GATA4: variants seen among roughly 807,000 people sequenced by gnomAD.
The protein encoded by GATA4 is GATA binding protein 4, also known as transcription factor GATA-4.
GATA4 carries 7 observed loss-of-function variants against 37.9 expected under a neutral mutation model. The ratio of observed to expected loss-of-function variants is 0.18; its 90% CI spans 0.11 to 0.35. The LOEUF is 0.35. Among genes scored for constraint, GATA4 ranks in the 10% least tolerant of loss-of-function variants. The probability of loss-of-function intolerance (pLI) is 1.00; values close to 1 mark genes in which losing one functional copy is unlikely to be tolerated. For synonymous variants in GATA4, 372 were observed against 292.6 expected, an observed-to-expected ratio of 1.27 and a Z score of -2.77; for missense variants, 647 against 653.0, an observed-to-expected ratio of 0.99 and a Z score of 0.10.
intron 2 of GATA4, among the ~76,000 whole-genome samples, chr8:11,745,354 G>A (rs567216457): frequency 6.8e-6 from 1 of 146,306 alleles, no homozygotes; most frequent in East Asian, 2.0e-4. Flanking sequence ...TGGGAGGATC[G>A]CTTGAGCTTA....
At chr8:11,696,181 A>C (rs1399394598) in intron 1 of GATA4, among the ~76,000 whole-genome samples, 1 of 152,104 alleles carries the variant, frequency 6.6e-6, no homozygotes, top group Non-Finnish European at 1.5e-5. Context: ...CAGTTTTCAG[A>C]GTCTTGACAT....
At chr8:11,677,772 A>G (rs1159488194) in intron 1 of GATA4, among the ~76,000 whole-genome samples, 1 of 152,002 alleles carries the variant, frequency 6.6e-6, no homozygotes, top group East Asian at 1.9e-4. Flanking sequence ...TTAATTTCCG[A>G]TTATTCTGGA....
chr8:11,727,347 T>G (rs1800975412), intron 2 of GATA4, among the ~76,000 whole-genome samples: 1 of 152,030 alleles, frequency 6.6e-6, no homozygotes, highest in Non-Finnish European at 1.5e-5. Context: ...ACCCGCCTGC[T>G]GGGAAGGGGG....
At chr8:11,729,187 C>T (rs1468452456) in intron 2 of GATA4, among the ~76,000 whole-genome samples, 2 of 152,148 alleles carry the variant, frequency 1.3e-5, no homozygotes, top group Non-Finnish European at 2.9e-5. Flanking sequence ...CGTGCCACTG[C>T]ACTCCAGCCT....
rs181649817 is a variant in GATA4 at position 11,712,092 on chromosome 8, A to G, written c.616+3164A>G. On this transcript the variant is annotated intron_variant, in intron 2 of 6. Coordinates refer to ENST00000532059, the MANE Select transcript of GATA4 (RefSeq NM_001308093.3). Reference sequence around the variant, plus strand: ...AAATGGGATCATCATAACAATTTTTAGTGTTGCCTTAAATTAGAAAAGTAA... The same window carrying G: ...AAATGGGATCATCATAACAATTTTTGGTGTTGCCTTAAATTAGAAAAGTAA... 4.0e-4 allele frequency among the ~76,000 whole-genome samples: 61 copies of G among 152,368 alleles called. No homozygotes were observed. The South Asian group carries it at 6.2e-3, about 16-fold the overall frequency.
At chr8:11,746,435 T>C (rs941324789) in intron 2 of GATA4, among the ~76,000 whole-genome samples, 22 of 152,108 alleles carry the variant, frequency 1.4e-4, no homozygotes, top group African/African-American at 5.1e-4. Flanking sequence ...AATGGAAAGG[T>C]GATCTTACAA....
chr8:11,733,939 G>GC (rs1411725893), intron 2 of GATA4, among the ~76,000 whole-genome samples: 1 of 152,110 alleles, frequency 6.6e-6, no homozygotes, highest in Non-Finnish European at 1.5e-5. Context: ...ATTACTTTTT[G>GC]CCCCCTGCCA....
chr8:11,734,212 A>T (rs1005251576), intron 2 of GATA4, among the ~76,000 whole-genome samples: 11 of 152,258 alleles, frequency 7.2e-5, no homozygotes, highest in Admixed American at 7.2e-4. Flanking sequence ...ATGTACAAGG[A>T]TGCCTGATGA....
At chr8:11,718,935 A>G (rs1267118446) in intron 2 of GATA4, among the ~76,000 whole-genome samples, 2 of 152,252 alleles carry the variant, frequency 1.3e-5, no homozygotes, top group African/African-American at 4.8e-5. Context: ...CATTCCGAGC[A>G]GGTGTGGGAG....
chr8:11,693,166 C>A, intron 1 of GATA4: 1 of 841,332 alleles, frequency 1.2e-6, no homozygotes, highest in Non-Finnish European at 1.4e-6. Context: ...TGTAAGGAAG[C>A]TTAGAAATGA....
intron 2 of GATA4, among the ~76,000 whole-genome samples, chr8:11,743,090 T>C (rs1028694375): frequency 1.3e-5 from 2 of 152,218 alleles, no homozygotes; most frequent in Non-Finnish European, 2.9e-5. Flanking sequence ...ACTGTTGACG[T>C]GTCTCTCCCT....
chr8:11,758,563 C>A lies in GATA4; in HGVS notation c.*88C>A. ...AGGCCCTGGGCTCCCAGGGGCCGGCCTCCTCTGCCTGGTAATGACTCCAGA... is the reference window on the plus strand; with the variant it reads ...AGGCCCTGGGCTCCCAGGGGCCGGCATCCTCTGCCTGGTAATGACTCCAGA... On this transcript the variant is annotated 3_prime_UTR_variant, in exon 7 of 7. Transcript: ENST00000532059. 7.8e-7 allele frequency: 1 copy of A among 1,287,684 alleles called. No homozygotes were observed. The highest frequency in any genetic ancestry group is 1.1e-6 in the Non-Finnish European group (1 of 886,162). 79.8% of individuals were successfully genotyped at this position (1,287,684 alleles called of 1,614,324 possible).
intron 1 of GATA4, among the ~76,000 whole-genome samples, chr8:11,677,699 CAG>C (rs1163032290): frequency 3.9e-5 from 6 of 152,326 alleles, no homozygotes; most frequent in African/African-American, 1.4e-4. Context: ...TCAGAGCTCT[CAG>C]AGTCGGATAC....
chr8:11,732,129 A>G (rs1434702120), intron 2 of GATA4, among the ~76,000 whole-genome samples: 2 of 152,242 alleles, frequency 1.3e-5, no homozygotes, highest in Non-Finnish European at 1.5e-5. Flanking sequence ...CACATTCATA[A>G]AATATAGGAG....
intron 1 of GATA4, chr8:11,680,680 C>T (rs1427517779): frequency 1.0e-6 from 1 of 985,156 alleles, no homozygotes; most frequent in Non-Finnish European, 1.2e-6. Context: ...CGTCAGAGAC[C>T]CCCCCCTTGG....
chr8:11,701,244 G>GAAA (rs56051265), upstream of GATA4, among the ~76,000 whole-genome samples: 17,481 of 125,738 alleles, frequency 0.14, 1,833 homozygotes, highest in East Asian at 0.62. Flanking sequence ...CAGGTTCTTA[G>GAAA]AAAAAAAAAA....
At chr8:11,721,138 C>A (rs550586661) in intron 2 of GATA4, among the ~76,000 whole-genome samples, 2 of 151,662 alleles carry the variant, frequency 1.3e-5, no homozygotes, top group East Asian at 3.9e-4. Context: ...GGATCTGAAG[C>A]GCAAGGGGGC....
Position 11,758,957 on chromosome 8 carries a change from G to A in GATA4, c.*482G>A, listed in dbSNP as rs763243694. Reference sequence around the variant, plus strand: ...ATCCATCCGCTTGAGGCATGGCACCGCCCTGCATCCCTAATACCAAATCTG... The same window carrying A: ...ATCCATCCGCTTGAGGCATGGCACCACCCTGCATCCCTAATACCAAATCTG... On this transcript the variant is annotated 3_prime_UTR_variant, in exon 7 of 7. Transcript: ENST00000532059. 8 of 249,322 alleles carry A rather than the reference G, an allele frequency of 3.2e-5. No homozygotes were observed. The highest frequency in any genetic ancestry group is 1.6e-4 in the South Asian group (3 of 18,700). 15.4% of individuals were successfully genotyped at this position (249,322 alleles called of 1,614,324 possible).
upstream of GATA4, among the ~76,000 whole-genome samples, chr8:11,703,919 CATT>C (rs1398239302): frequency 6.6e-6 from 1 of 152,222 alleles, no homozygotes; most frequent in East Asian, 1.9e-4. Flanking sequence ...AAAGGGAACT[CATT>C]AATAAAGCTG....
Sources: allele counts gnomAD v4.1 joint callset (sites outside exome capture counted in the v4.1 genomes callset), GRCh38; gene constraint gnomAD v4.1.1; transcripts MANE v1.5; gene names NCBI Gene and HGNC (gene_info 2026-07-23, HGNC 2026-07-21).